MYO6: variants seen among roughly 807,000 people sequenced by gnomAD.
MYO6 encodes the protein unconventional myosin-VI.
MYO6 carries 74 observed loss-of-function variants against 178.7 expected under a neutral mutation model. That is an observed-to-expected ratio of 0.41 (90% CI 0.34 to 0.50). The LOEUF (loss-of-function observed/expected upper bound fraction) is 0.50. Ranked by LOEUF, MYO6 falls within the 20% of genes least tolerant of loss-of-function variation. The pLI is 0.09. For missense variants in MYO6, 1,330 were observed against 1,547.4 expected (o/e 0.86, Z 2.36); for synonymous variants, 477 against 504.6 (o/e 0.95, Z 0.73).
Position 75,789,740 on chromosome 6 carries a change from G to C in MYO6, c.-47-27761G>C, listed in dbSNP as rs143679170. Among the ~76,000 whole-genome samples, 520 of 152,066 alleles carry C rather than the reference G, an allele frequency of 3.4e-3. 1 individual carries two copies. Among genetic ancestry groups the C allele is most frequent in the Non-Finnish European group, 6.1e-3 (413 of 67,966 alleles). The stretch of plus-strand genomic sequence containing the variant: ...ACTGCTTTAAACGTGTCATTTCTTT[G>C]TGGTAACAACATTCAAAGTCTCTTT... On this transcript the variant is annotated intron_variant, in intron 1 of 34. Coordinates refer to ENST00000369977, the MANE Select transcript of MYO6 (RefSeq NM_004999.4).
chr6:75,758,018 C>T (rs1431110378), intron 1 of MYO6, among the ~76,000 whole-genome samples: 1 of 109,700 alleles, frequency 9.1e-6, no homozygotes, highest in Non-Finnish European at 1.7e-5. Context: ...CGTTCTGTTG[C>T]CCAGGCTGGA....
At chr6:75,812,979 C>A (rs948785089) in intron 1 of MYO6, among the ~76,000 whole-genome samples, 2 of 152,134 alleles carry the variant, frequency 1.3e-5, no homozygotes, top group African/African-American at 4.8e-5. Flanking sequence ...ATTGCTGGAT[C>A]ATATGGTCAT....
At chr6:75,823,814 A>G (rs1183576514) in intron 3 of MYO6, among the ~76,000 whole-genome samples, 1 of 152,202 alleles carries the variant, frequency 6.6e-6, no homozygotes, top group Non-Finnish European at 1.5e-5. Flanking sequence ...TGAAATTCTC[A>G]TCTGTAGAAT....
rs1325898209 is a variant in MYO6, at chr6:75,918,370, GC to G, written c.*3362del. ...CAACAGTGGAAGAGACAGGTTGTGT[GC>G]CCCTAAAGATTCTGCACCCCCAGTT... On this transcript the variant is annotated 3_prime_UTR_variant, in exon 35 of 35. Transcript: ENST00000369977. 6.6e-6 allele frequency: 1 copy of G among 152,200 alleles called. No individual in the cohort carries two copies. Among genetic ancestry groups the G allele is most frequent in the Non-Finnish European group, 1.5e-5 (1 of 68,092 alleles). 9.4% of individuals were successfully genotyped at this position (152,200 alleles called of 1,614,324 possible).
At chr6:75,788,776 C>T (rs1013880160) in intron 1 of MYO6, among the ~76,000 whole-genome samples, 7 of 151,930 alleles carry the variant, frequency 4.6e-5, no homozygotes, top group South Asian at 2.1e-4. Flanking sequence ...TGAGCTAAAG[C>T]GTAGAGATGG....
chr6:75,855,963 T>C (rs1775689342), intron 12 of MYO6, among the ~76,000 whole-genome samples: 2 of 152,286 alleles, frequency 1.3e-5, no homozygotes, highest in South Asian at 4.1e-4. Flanking sequence ...TCCGAAAAAG[T>C]TGCAACAAAT....
chr6:75,841,359 G>A lies in MYO6; in HGVS notation c.797G>A (p.Ser266Asn). 6.2e-7 allele frequency: 1 copy of A among 1,613,676 alleles called. No individual in the cohort carries two copies. The highest frequency in any genetic ancestry group is 8.5e-7 in the Non-Finnish European group (1 of 1,179,966). Residue 266 changes from serine to asparagine, a missense_variant, in exon 9 of 35, where the codon AGT (serine) becomes AAT (asparagine). This residue lies in a region of MYO6 where 613 missense variants were observed against 816.8 expected (regional missense o/e 0.75). Transcript: ENST00000369977. ...GATATTAGAGAAAAACTTCATTTGA[G>A]TTCACCAGATAATTTTCGGGTAGGT... The part of the protein sequence containing the change: ...SEDIREKLHL[S>N]SPDNFRYLNR...
chr6:75,836,043 G>T (rs747825333), intron 7 of MYO6, 87 bp downstream of exon 7: 114 of 881,760 alleles, frequency 1.3e-4, no homozygotes, highest in Non-Finnish European at 2.0e-4. Flanking sequence ...TTCTCTCAGA[G>T]ATGCAAAAGA....
intron 25 of MYO6, among the ~76,000 whole-genome samples, chr6:75,889,548 C>T (rs1778736075): frequency 6.6e-6 from 1 of 152,162 alleles, no homozygotes; most frequent in South Asian, 2.1e-4. Context: ...GCTGGGACTA[C>T]AGGTGTGTAC....
intron 25 of MYO6, among the ~76,000 whole-genome samples, chr6:75,888,750 C>A (rs1778666821): frequency 6.6e-6 from 1 of 152,014 alleles, no homozygotes; most frequent in South Asian, 2.1e-4. Flanking sequence ...TACATTTTTA[C>A]AGTTCTTATC....
At chr6:75,786,082 A>C (rs1767536514) in intron 1 of MYO6, among the ~76,000 whole-genome samples, 1 of 151,690 alleles carries the variant, frequency 6.6e-6, no homozygotes, top group Admixed American at 6.6e-5. Flanking sequence ...CGCCCAGCTA[A>C]ATTTTTTTTG....
intron 31 of MYO6, 35 bp from the exon 32 acceptor site, chr6:75,908,461 G>C: frequency 1.3e-6 from 2 of 1,593,190 alleles, no homozygotes; most frequent in Non-Finnish European, 1.7e-6. Flanking sequence ...AAATTAACAT[G>C]TCAATTTTTT....
chr6:75,840,748 G>C (rs1774141158), intron 8 of MYO6, 66 bp downstream of exon 8: 2 of 1,198,680 alleles, frequency 1.7e-6, no homozygotes, highest in East Asian at 4.8e-5. Flanking sequence ...AGGGTCAGTT[G>C]GTGCTGTATT....
chr6:75,869,519 G>A (rs1050665194), intron 18 of MYO6, among the ~76,000 whole-genome samples: 15 of 152,058 alleles, frequency 9.9e-5, no homozygotes, highest in Admixed American at 6.6e-4. Context: ...ATGACATTCA[G>A]TAAACTATAC....
intron 1 of MYO6, among the ~76,000 whole-genome samples, chr6:75,794,494 G>A (rs1261610685): frequency 6.6e-6 from 1 of 152,136 alleles, no homozygotes; most frequent in Non-Finnish European, 1.5e-5. Flanking sequence ...TAAAATATAT[G>A]TTCTCAAAAT....
At chr6:75,800,469 G>C (rs1769338685) in intron 1 of MYO6, among the ~76,000 whole-genome samples, 1 of 152,162 alleles carries the variant, frequency 6.6e-6, no homozygotes, top group Non-Finnish European at 1.5e-5. Flanking sequence ...TAAGGTGTCA[G>C]ATTTCTTACT....
At position 75,919,393 on chromosome 6, in the gene MYO6, T is replaced by C. The variant is rs1050811766; in HGVS notation, c.*4381T>C. On this transcript the variant is annotated 3_prime_UTR_variant, in exon 35 of 35. Transcript: ENST00000369977. ...TTAAATCACAGGCTTATTAGTTGGGTGTTTTCTTTTTACTTATGAAAATTC... is the reference window on the plus strand; with the variant it reads ...TTAAATCACAGGCTTATTAGTTGGGCGTTTTCTTTTTACTTATGAAAATTC... 1 of 152,440 alleles carries C rather than the reference T, an allele frequency of 6.6e-6. No homozygotes were observed. The highest frequency in any genetic ancestry group is 2.1e-4 in the South Asian group (1 of 4,818). The allele number at this position is 152,440 out of a possible 1,614,324, so 9.4% of individuals were successfully genotyped here.
intron 3 of MYO6, among the ~76,000 whole-genome samples, chr6:75,823,125 T>C (rs1228984062): frequency 6.6e-6 from 1 of 152,196 alleles, no homozygotes; most frequent in Non-Finnish European, 1.5e-5. Context: ...TAAAAGTCTC[T>C]TGTTAACAGT....
rs774426549 is a variant in MYO6 at position 75,830,457 on chromosome 6, T to G, written c.303T>G (p.Phe101Leu). 2 of 1,612,468 alleles carry G rather than the reference T, an allele frequency of 1.2e-6. No individual in the cohort carries two copies. Among genetic ancestry groups the G allele is most frequent in the South Asian group, 1.1e-5 (1 of 90,998 alleles). The change falls in exon 5 of 35, where the codon TTT (phenylalanine) becomes TTG (leucine). Residue 101 changes from phenylalanine (F) to leucine (L), a missense_variant. Phe to Leu is a conservative substitution (Grantham distance 22, BLOSUM62 0). This residue lies in a region of MYO6 where 613 missense variants were observed against 816.8 expected (regional missense o/e 0.75). Transcript: ENST00000369977. ...ANILIAVNPY[F>L]DIPKIYSSEA... ...TTCTGATTGCAGTGAATCCATACTT[T>G]GACATACCTAAAATATATTCTTCAG...
Sources: allele counts gnomAD v4.1 joint callset (sites outside exome capture counted in the v4.1 genomes callset), GRCh38; gene constraint gnomAD v4.1.1; regional missense constraint gnomAD v4.1.1; transcripts MANE v1.5; gene names NCBI Gene and HGNC (gene_info 2026-07-23, HGNC 2026-07-21).